The following TAF2 variants were observed in gnomAD, a reference collection of about 807,000 sequenced individuals.
The protein encoded by TAF2 is transcription initiation factor TFIID subunit 2.
In TAF2, 61 loss-of-function variants were observed where a neutral mutation model predicts 138.5. The ratio of observed to expected loss-of-function variants is 0.44; its 90% CI spans 0.36 to 0.54. The LOEUF is 0.54. Ranked by LOEUF, TAF2 falls within the 20% of genes least tolerant of loss-of-function variation. The pLI is 0.00. For missense variants in TAF2, 1,090 were observed against 1,427.9 expected, an observed-to-expected ratio of 0.76 and a Z score of 3.81; for synonymous variants, 475 against 469.9, an observed-to-expected ratio of 1.01 and a Z score of -0.14.
intron 2 of TAF2, among the ~76,000 whole-genome samples, chr8:119,820,558 A>G (rs1825749929): frequency 6.6e-6 from 1 of 152,018 alleles, no homozygotes; most frequent in South Asian, 2.1e-4. Context: ...AGATAAGATA[A>G]GAAAGGCAAA....
At chr8:119,822,778 C>G (rs147114368) in intron 2 of TAF2, among the ~76,000 whole-genome samples, 6 of 152,300 alleles carry the variant, frequency 3.9e-5, no homozygotes, top group African/African-American at 1.2e-4. Context: ...TCTCCCAGTC[C>G]TCCTGTTCAA....
chr8:119,801,044 G>A (rs1225029704), intron 6 of TAF2, among the ~76,000 whole-genome samples: 1 of 152,200 alleles, frequency 6.6e-6, no homozygotes, highest in African/African-American at 2.4e-5. Context: ...TCATGAGTTT[G>A]CTAACCAGGT....
Position 119,744,274 on chromosome 8 carries a change from A to G in TAF2, c.3214+14T>C. The stretch of plus-strand genomic sequence containing the variant: ...GTCTCCATCTCCTCAATGATTGCAG[A>G]ATACTAATCTTACCTGGAGTTGACG... On this transcript the variant is annotated intron_variant, in intron 24 of 25. Transcript: ENST00000378164. 1 of 1,608,348 alleles carries G rather than the reference A, an allele frequency of 6.2e-7. No individual in the cohort carries two copies.
intron 12 of TAF2, among the ~76,000 whole-genome samples, 177 bp from the exon 13 acceptor site, chr8:119,789,081 C>CAAATAAAATTTA (rs1482365733): frequency 6.6e-6 from 1 of 152,130 alleles, no homozygotes; most frequent in African/African-American, 2.4e-5. Context: ...AAATGCTTTC[C>CAAATAAAATTTA]CAGATTTAAA....
At chr8:119,794,061 A>T (rs568615319) in intron 9 of TAF2, among the ~76,000 whole-genome samples, 2 of 152,124 alleles carry the variant, frequency 1.3e-5, no homozygotes, top group Admixed American at 1.3e-4. Context: ...AGAAGCTGGA[A>T]CTACAGGCAC....
chr8:119,733,873 A>G (rs995695883), intron 25 of TAF2, among the ~76,000 whole-genome samples: 2 of 151,894 alleles, frequency 1.3e-5, no homozygotes, highest in Admixed American at 6.6e-5. Context: ...GATACTAGGT[A>G]CTAGTCTCCT....
chr8:119,735,104 C>CCTGA (rs1819140090), intron 25 of TAF2, among the ~76,000 whole-genome samples: 1 of 152,100 alleles, frequency 6.6e-6, no homozygotes, highest in Admixed American at 6.6e-5. Context: ...ATCTAAAGAG[C>CCTGA]CTGACTCCAG....
rs768954133 is a variant in TAF2, at chr8:119,781,205, T to C, written c.2113-12A>G. The C allele has an allele frequency of 1.3e-5, 21 of 1,613,760 alleles. No individual in the cohort carries two copies. Among genetic ancestry groups the C allele is most frequent in the Non-Finnish European group, 1.0e-5 (12 of 1,179,940 alleles). ...ATTGAATTTGCAATCTGCAAATAATTAGAAAACAAAGTAATTTCCATTACC... is the reference window on the plus strand; with the variant it reads ...ATTGAATTTGCAATCTGCAAATAATCAGAAAACAAAGTAATTTCCATTACC... On this transcript the variant is annotated splice_polypyrimidine_tract_variant and intron_variant, in intron 16 of 25. Coordinates refer to ENST00000378164, the MANE Select transcript of TAF2 (RefSeq NM_003184.4).
At chr8:119,764,297 A>G (rs1046571441) in intron 18 of TAF2, among the ~76,000 whole-genome samples, 1 of 152,210 alleles carries the variant, frequency 6.6e-6, no homozygotes. Flanking sequence ...TATTATTTGC[A>G]TTTACGCTAT....
At chr8:119,751,556 C>T (rs1199499207) in intron 22 of TAF2, among the ~76,000 whole-genome samples, 1 of 152,110 alleles carries the variant, frequency 6.6e-6, no homozygotes, top group Non-Finnish European at 1.5e-5. Flanking sequence ...TTTGGGTTCC[C>T]CAAATAGTTT....
intron 24 of TAF2, among the ~76,000 whole-genome samples, chr8:119,744,031 A>G (rs753083030): frequency 3.3e-5 from 5 of 152,216 alleles, no homozygotes; most frequent in African/African-American, 4.8e-5. Context: ...GAGAAATCAG[A>G]GCTACTAGAA....
chr8:119,832,675 G>A lies in TAF2; in HGVS notation c.-111C>T. The A allele has an allele frequency of 9.6e-7, 1 of 1,038,546 alleles. No homozygotes were observed. The highest frequency in any genetic ancestry group is 1.4e-6 in the Non-Finnish European group (1 of 722,712). 64.3% of individuals were successfully genotyped at this position (1,038,546 alleles called of 1,614,324 possible). On this transcript the variant is annotated 5_prime_UTR_variant, in exon 1 of 26. Coordinates refer to ENST00000378164, the MANE Select transcript of TAF2 (RefSeq NM_003184.4). ...CCCTGCGGTCCCCAAGTCACGTCTC[G>A]CAGCTGGCCGGTGCCCAGGTGAGCG...
rs768440893 is a variant in TAF2 at position 119,788,903 on chromosome 8, C to G, written c.1570G>C (p.Asp524His). ...DIQPLIKQWV[D>H]QSGVVKFYGS... Reference sequence around the variant, plus strand: ...TAAAATTTTACCACTCCACTCTGATCTCTGAAGAATTGTAAAGGAAAGTTT... The same window carrying G: ...TAAAATTTTACCACTCCACTCTGATGTCTGAAGAATTGTAAAGGAAAGTTT... Residue 524 changes from aspartate (D) to histidine (H), a missense_variant and splice_region_variant, in exon 13 of 26, where the codon GAT becomes CAT. Asp to His is a moderately conservative substitution (Grantham distance 81). Around this residue, in one of 3 missense-constraint regions of TAF2, gnomAD observed 504 missense variants for 680.9 expected, o/e 0.74. Transcript: ENST00000378164. 6.3e-7 allele frequency: 1 copy of G among 1,590,182 alleles called. No individual in the cohort carries two copies. The highest frequency in any genetic ancestry group is 1.1e-5 in the South Asian group (1 of 90,636).
intron 24 of TAF2, 117 bp downstream of exon 24, chr8:119,744,171 A>T: frequency 1.0e-6 from 1 of 980,956 alleles, no homozygotes; most frequent in Non-Finnish European, 1.6e-6. Flanking sequence ...TTAATATTTT[A>T]AGCTGGCTAA....
chr8:119,741,039 G>A (rs1294781729), intron 25 of TAF2, among the ~76,000 whole-genome samples: 1 of 152,130 alleles, frequency 6.6e-6, no homozygotes, highest in Non-Finnish European at 1.5e-5. Flanking sequence ...CACCATTAGG[G>A]CTGTGTTTCT....
rs376673856 is a variant in TAF2 at position 119,785,210 on chromosome 8, G to C, written c.1850C>G (p.Ser617Cys). The C allele has an allele frequency of 1.2e-6, 2 of 1,612,314 alleles. No individual in the cohort carries two copies. The highest frequency in any genetic ancestry group is 2.7e-5 in the African/African-American group (2 of 74,908). The change falls in exon 15 of 26, where the codon TCT becomes TGT. Residue 617 changes from serine (S) to cysteine (C), a missense_variant. Physicochemically the swap from Ser to Cys is moderately radical, Grantham distance 112 (BLOSUM62 -1). Around this residue, in one of 3 missense-constraint regions of TAF2, gnomAD observed 580 missense variants for 719.6 expected, o/e 0.81. Coordinates refer to ENST00000378164, the MANE Select transcript of TAF2 (RefSeq NM_003184.4). The stretch of plus-strand genomic sequence containing the variant: ...AAGTTAACTAACTTACTCCATTGCA[G>C]AAAGATCCATATCAACTTCTTCTCC... ...MNGEEVDMDL[S>C]AMDADSPLLW... is the part of the protein sequence containing the mutation.
intron 21 of TAF2, among the ~76,000 whole-genome samples, chr8:119,757,396 C>A (rs923920840): frequency 1.3e-5 from 2 of 152,016 alleles, no homozygotes; most frequent in Admixed American, 1.3e-4. Flanking sequence ...CTCCTTCAGG[C>A]CTCATACTCT....
In TAF2 at chr8:119,806,361, C is replaced by T. The variant is rs775280137; in HGVS notation, c.340G>A (p.Val114Ile). ...NYFSNAYAAA[V>I]SAVDPDAGNG... ...CCTGCATCAGGGTCCACAGCACTAA[C>T]TGCAGCTGCATAAGCATTGGAAAAA... The change falls in exon 4 of 26, where the codon GTT becomes ATT. Residue 114 changes from valine (V) to isoleucine (I), a missense_variant. Physicochemically the swap from Val to Ile is conservative, Grantham distance 29 (BLOSUM62 3). Transcript: ENST00000378164. 6.2e-7 allele frequency: 1 copy of T among 1,614,010 alleles called. No individual in the cohort carries two copies. Among genetic ancestry groups the T allele is most frequent in the East Asian group, 2.2e-5 (1 of 44,878 alleles).
At chr8:119,796,811 G>T (rs183711442) in intron 8 of TAF2, among the ~76,000 whole-genome samples, 179 bp downstream of exon 8, 10 of 151,780 alleles carry the variant, frequency 6.6e-5, no homozygotes, top group Admixed American at 6.6e-4. Flanking sequence ...TGACTATATT[G>T]ATTTCATGGC....
Sources: allele counts gnomAD v4.1 joint callset (sites outside exome capture counted in the v4.1 genomes callset), GRCh38; gene constraint gnomAD v4.1.1; regional missense constraint gnomAD v4.1.1; transcripts MANE v1.5; gene names NCBI Gene and HGNC (gene_info 2026-07-23, HGNC 2026-07-21).